The following LRCH1 variants were observed in gnomAD, a reference collection of about 807,000 sequenced individuals.
The protein encoded by LRCH1 is leucine rich repeats and calponin homology domain containing 1.
In LRCH1, 23 loss-of-function variants were observed where a neutral mutation model predicts 94.9. The ratio of observed to expected loss-of-function variants is 0.24; its 90% CI spans 0.17 to 0.34. LRCH1 has a LOEUF of 0.34. Ranked by LOEUF, LRCH1 falls within the 10% of genes least tolerant of loss-of-function variation. The probability of loss-of-function intolerance (pLI) is 1.00; values close to 1 mark genes in which losing one functional copy is unlikely to be tolerated. For synonymous variants in LRCH1, 364 were observed against 354.9 expected, an observed-to-expected ratio of 1.03 and a Z score of -0.29; for missense variants, 790 against 945.9, an observed-to-expected ratio of 0.84 and a Z score of 2.16.
chr13:46,637,233 A>C (rs1367381712), intron 1 of LRCH1, among the ~76,000 whole-genome samples: 1 of 152,134 alleles, frequency 6.6e-6, no homozygotes. Flanking sequence ...ACTTCTTGTC[A>C]CTTCCACTCT....
At chr13:46,621,120 C>T (rs2050875051) in intron 1 of LRCH1, among the ~76,000 whole-genome samples, 1 of 152,220 alleles carries the variant, frequency 6.6e-6, no homozygotes, top group Non-Finnish European at 1.5e-5. Flanking sequence ...TTGATACTTT[C>T]ATCTTTCTCT....
chr13:46,567,492 T>TTGTGTGTGTGTGTGTGTGTGTG lies in LRCH1; in HGVS notation c.307+13803_307+13824dup, dbSNP rs35848521. ...TCTCTGCATGCAATTTAAGGCAATT[T>TTGTGTGTGTGTGTGTGTGTGTG]TGTGTGTGTGTGTGTGTGTGTGTGT... On this transcript the variant is annotated intron_variant, in intron 1 of 19. Coordinates refer to ENST00000389797, the MANE Select transcript of LRCH1 (RefSeq NM_001164211.2). 8.9e-3 allele frequency among the ~76,000 whole-genome samples: 1,260 copies of TTGTGTGTGTGTGTGTGTGTGTG among 141,898 alleles called. 19 individuals are homozygous for TTGTGTGTGTGTGTGTGTGTGTG. Among genetic ancestry groups the TTGTGTGTGTGTGTGTGTGTGTG allele is most frequent in the African/African-American group, 0.032 (1,192 of 37,008 alleles). The allele number at this position is 141,898 out of a possible 152,430, so 93.1% of individuals were successfully genotyped here. A position where few individuals can be genotyped will look rare whatever the true frequency, so the allele number is the denominator to read the frequency against.
chr13:46,670,995 C>T (rs2138121444), intron 3 of LRCH1, among the ~76,000 whole-genome samples: 1 of 152,298 alleles, frequency 6.6e-6, no homozygotes, highest in South Asian at 2.1e-4. Flanking sequence ...ATTTAGGCCA[C>T]AGGCAACTCC....
chr13:46,575,193 GA>G (rs2137928175), intron 1 of LRCH1, among the ~76,000 whole-genome samples: 1 of 152,156 alleles, frequency 6.6e-6, no homozygotes, highest in Admixed American at 6.5e-5. Flanking sequence ...AGAACTGCTG[GA>G]TAGGGTGCAG....
At chr13:46,715,510 C>G in intron 15 of LRCH1, 50 bp from the exon 16 acceptor site, 2 of 1,092,524 alleles carry the variant, frequency 1.8e-6, no homozygotes, top group Non-Finnish European at 2.7e-6. Context: ...TTTGGTTTTT[C>G]CTGGTCCTTG....
Position 46,705,068 on chromosome 13 carries a change from A to G in LRCH1, c.1401A>G (p.Gly467=), listed in dbSNP as rs535798340. The change falls in exon 12 of 20, where the codon GGA becomes GGG. Residue 467 remains glycine (G), a splice_region_variant and synonymous_variant. Coordinates refer to ENST00000389797, the MANE Select transcript of LRCH1 (RefSeq NM_001164211.2). ...AATATCTTTTTTTCCTACTCTTTAG[A>G]TTAAGCACAGATATTACAGAGAGAA... The part of the protein sequence containing the change: ...EAVDLLQDPN[G]LSTDITERSV... The G allele has an allele frequency of 6.5e-7, 1 of 1,538,336 alleles. No homozygotes were observed. The highest frequency in any genetic ancestry group is 2.3e-5 in the East Asian group (1 of 44,432).
At chr13:46,733,451 G>C (rs191242306) in intron 18 of LRCH1, among the ~76,000 whole-genome samples, 264 of 152,162 alleles carry the variant, frequency 1.7e-3, no homozygotes, top group Middle Eastern at 0.01. Context: ...TTTGTTGATG[G>C]GGAAGTTGAT....
At chr13:46,654,339 C>A (rs1402511354) in intron 2 of LRCH1, among the ~76,000 whole-genome samples, 1 of 152,212 alleles carries the variant, frequency 6.6e-6, no homozygotes, top group Non-Finnish European at 1.5e-5. Flanking sequence ...GTGGCCTTTT[C>A]ACGTCTTTTC....
intron 1 of LRCH1, among the ~76,000 whole-genome samples, chr13:46,570,310 C>G (rs1161812794): frequency 6.6e-6 from 1 of 152,174 alleles, no homozygotes; most frequent in Non-Finnish European, 1.5e-5. Context: ...AGAAAGGAAA[C>G]TGACATTGAC....
At chr13:46,735,788 CTTTTCTTTTT>C (rs1407404536) in intron 19 of LRCH1, among the ~76,000 whole-genome samples, 5 of 69,910 alleles carry the variant, frequency 7.2e-5, no homozygotes, top group African/African-American at 2.4e-4. Context: ...TTTTCTTTTT[CTTTTCTTTTT>C]TTTTTTTTTT....
At chr13:46,686,870 C>T (rs1870640556) in intron 5 of LRCH1, among the ~76,000 whole-genome samples, 2 of 151,742 alleles carry the variant, frequency 1.3e-5, no homozygotes, top group African/African-American at 4.8e-5. Context: ...GCACTTGGCT[C>T]ACTATGCTAA....
chr13:46,566,277 C>CT (rs1422180345), intron 1 of LRCH1, among the ~76,000 whole-genome samples: 2 of 152,134 alleles, frequency 1.3e-5, no homozygotes, highest in African/African-American at 4.8e-5. Flanking sequence ...GGAGGCTGAG[C>CT]TTTAGGAATA....
rs2051272651 is a variant in LRCH1 at position 46,650,066 on chromosome 13, G to GT, written c.308-134dup. On this transcript the variant is annotated intron_variant, in intron 1 of 19. Transcript: ENST00000389797. The stretch of plus-strand genomic sequence containing the variant: ...AGGAAATAGAAATCACAGTGCTGTA[G>GT]TAACAGAGGTGCAAAAAAAAATGAT... 1.4e-5 allele frequency: 8 copies of GT among 564,210 alleles called. No homozygotes were observed. The East Asian group carries it at 2.5e-4, about 17-fold the overall frequency. The allele number at this position is 564,210 out of a possible 1,614,324, so 35.0% of individuals were successfully genotyped here.
At chr13:46,578,327 G>C (rs1269733924) in intron 1 of LRCH1, among the ~76,000 whole-genome samples, 3 of 152,202 alleles carry the variant, frequency 2.0e-5, no homozygotes, top group Non-Finnish European at 4.4e-5. Context: ...CAATGGCCCT[G>C]CTTCCCCATC....
At chr13:46,662,805 G>A (rs1466426278) in intron 2 of LRCH1, among the ~76,000 whole-genome samples, 1 of 152,204 alleles carries the variant, frequency 6.6e-6, no homozygotes, top group Non-Finnish European at 1.5e-5. Context: ...GTCAAATATG[G>A]TGCAGGTATG....
chr13:46,629,080 GCCTTTC>G (rs985419682), intron 1 of LRCH1, among the ~76,000 whole-genome samples: 5 of 152,174 alleles, frequency 3.3e-5, no homozygotes, highest in Non-Finnish European at 7.3e-5. Context: ...ATCTCAGAGG[GCCTTTC>G]CCAAGAACTT....
intron 2 of LRCH1, among the ~76,000 whole-genome samples, chr13:46,662,717 G>A (rs2051465679): frequency 6.6e-6 from 1 of 152,142 alleles, no homozygotes; most frequent in Non-Finnish European, 1.5e-5. Flanking sequence ...ATATATATAT[G>A]AATATTTTAA....
chr13:46,718,126 G>T (rs888803977), intron 16 of LRCH1, among the ~76,000 whole-genome samples: 6 of 149,360 alleles, frequency 4.0e-5, no homozygotes, highest in African/African-American at 1.5e-4. Context: ...TCACTTTGAA[G>T]TTAAAAACCA....
intron 16 of LRCH1, among the ~76,000 whole-genome samples, chr13:46,718,477 A>G (rs1281292047): frequency 6.6e-6 from 1 of 152,202 alleles, no homozygotes; most frequent in Non-Finnish European, 1.5e-5. Flanking sequence ...ATAGTCAGAA[A>G]TGCTAATTTA....
Sources: gnomAD v4.1 joint callset for allele counts (sites outside exome capture counted in the v4.1 genomes callset) on GRCh38, gnomAD v4.1.1 for gene constraint, MANE v1.5 for transcripts, NCBI Gene and HGNC (gene_info 2026-07-23, HGNC 2026-07-21) for gene names.